The following TINAG variants were observed in gnomAD, a reference collection of about 807,000 sequenced individuals.
TINAG encodes tubulointerstitial nephritis antigen.
In TINAG, 83 loss-of-function variants were observed where a neutral mutation model predicts 72.7. The ratio of observed to expected loss-of-function variants is 1.14; its 90% confidence interval spans 0.96 to 1.37. The LOEUF is 1.37. Among genes scored for constraint, TINAG ranks in the 40% most tolerant of loss-of-function variants. The pLI, the probability that TINAG is intolerant of heterozygous loss-of-function variation, is 0.00. For missense variants in TINAG, 685 were observed against 576.6 expected, an observed-to-expected ratio of 1.19 and a Z score of -1.93; for synonymous variants, 234 against 189.9, an observed-to-expected ratio of 1.23 and a Z score of -1.91.
At chr6:54,357,256 T>C (rs1484086937) in intron 9 of TINAG, among the ~76,000 whole-genome samples, 1 of 151,902 alleles carries the variant, frequency 6.6e-6, no homozygotes, top group Non-Finnish European at 1.5e-5. Flanking sequence ...AACGTTGACA[T>C]GCCCTAGTCT....
chr6:54,337,672 C>T (rs1241916043), intron 4 of TINAG, among the ~76,000 whole-genome samples: 3 of 152,052 alleles, frequency 2.0e-5, no homozygotes, highest in Non-Finnish European at 4.4e-5. Context: ...CCAAAACGTT[C>T]AGTATAAAAG....
At chr6:54,368,388 C>A (rs1162848824) in intron 9 of TINAG, among the ~76,000 whole-genome samples, 2 of 147,656 alleles carry the variant, frequency 1.4e-5, no homozygotes, top group African/African-American at 2.5e-5. Context: ...TATTATTATA[C>A]ATTATTAAAT....
At chr6:54,366,549 A>G (rs975578590) in intron 9 of TINAG, among the ~76,000 whole-genome samples, 1 of 150,406 alleles carries the variant, frequency 6.6e-6, no homozygotes, top group Non-Finnish European at 1.5e-5. Context: ...ACAAATATCA[A>G]TAGAATAGTG....
intron 9 of TINAG, among the ~76,000 whole-genome samples, chr6:54,377,947 G>T (rs73741234): frequency 0.023 from 3,445 of 152,060 alleles, 131 homozygotes; most frequent in African/African-American, 0.079. Flanking sequence ...AATATCATCG[G>T]GGAAAGAACC....
At chr6:54,372,717 T>C (rs969808864) in intron 9 of TINAG, among the ~76,000 whole-genome samples, 4 of 137,814 alleles carry the variant, frequency 2.9e-5, no homozygotes, top group South Asian at 4.7e-4. Context: ...GAATATTATA[T>C]AAATACATAC....
intron 9 of TINAG, among the ~76,000 whole-genome samples, chr6:54,360,529 C>T (rs960252322): frequency 6.6e-6 from 1 of 151,620 alleles, no homozygotes; most frequent in Admixed American, 6.6e-5. Context: ...TATTCCACAT[C>T]TCCATGCCCA....
intron 9 of TINAG, among the ~76,000 whole-genome samples, chr6:54,375,766 G>C (rs776475723): frequency 3.3e-5 from 5 of 152,116 alleles, no homozygotes; most frequent in Non-Finnish European, 5.9e-5. Context: ...TTCTTATTCA[G>C]AATTTCATTA....
rs190974934 is a variant in TINAG at position 54,368,359 on chromosome 6, A to C, written c.1251-12167A>C. On this transcript the variant is annotated intron_variant, in intron 9 of 10. Transcript: ENST00000259782. ...ATAATTTAAATATTAAATAATAGTT[A>C]TTAAATCATTATATTAATTATTATT... Among the ~76,000 whole-genome samples the C allele has an allele frequency of 7.8e-3, 1,151 of 147,944 alleles. 14 individuals are homozygous for C. The highest frequency in any genetic ancestry group is 0.025 in the African/African-American group (1,027 of 40,888).
chr6:54,335,095 C>G (rs1784829596), intron 4 of TINAG, among the ~76,000 whole-genome samples: 1 of 152,202 alleles, frequency 6.6e-6, no homozygotes, highest in African/African-American at 2.4e-5. Flanking sequence ...CACACACTCA[C>G]TTATGTGTCT....
intron 1 of TINAG, among the ~76,000 whole-genome samples, chr6:54,315,005 A>C (rs1480757206): frequency 6.6e-6 from 1 of 152,170 alleles, no homozygotes; most frequent in Non-Finnish European, 1.5e-5. Context: ...TGCTTTTGAA[A>C]GCAGCTACTT....
upstream of TINAG, chr6:54,308,084 G>A (rs758972174): frequency 1.9e-5 from 29 of 1,549,868 alleles, no homozygotes; most frequent in East Asian, 7.3e-5. Context: ...CTGGATGTTC[G>A]TTTCAATGCA....
At chr6:54,355,524 T>C (rs1763009525) in intron 9 of TINAG, among the ~76,000 whole-genome samples, 1 of 151,942 alleles carries the variant, frequency 6.6e-6, no homozygotes, top group African/African-American at 2.4e-5. Context: ...CCTTAATCGT[T>C]GTCCTTCCTT....
intron 10 of TINAG, among the ~76,000 whole-genome samples, chr6:54,383,500 A>C (rs951911299): frequency 6.6e-6 from 1 of 152,060 alleles, no homozygotes; most frequent in East Asian, 1.9e-4. Flanking sequence ...AAAAAATGAG[A>C]GTGCTAAATC....
At chr6:54,353,466 C>A (rs1311449299) in intron 8 of TINAG, among the ~76,000 whole-genome samples, 3 of 151,814 alleles carry the variant, frequency 2.0e-5, no homozygotes, top group Non-Finnish European at 4.4e-5. Flanking sequence ...CTTCTAAAAT[C>A]TGTAGGATTG....
chr6:54,379,774 T>A (rs1393726977), intron 9 of TINAG, among the ~76,000 whole-genome samples: 2 of 151,982 alleles, frequency 1.3e-5, no homozygotes, highest in Non-Finnish European at 2.9e-5. Flanking sequence ...ATCTAATTTT[T>A]ATTTTTCTTT....
At position 54,320,596 on chromosome 6, in the gene TINAG, C is replaced by A; in HGVS notation, c.373C>A (p.Gln125Lys). The change falls in exon 2 of 11, where the codon CAA (glutamine) becomes AAA (lysine). Residue 125 changes from glutamine (Q) to lysine (K), a missense_variant. By Grantham distance (53) the Gln-to-Lys change is moderately conservative (BLOSUM62 1). Coordinates refer to ENST00000259782, the MANE Select transcript of TINAG (RefSeq NM_014464.4). ...TTTGACAGGTTGCTTCAAAGATGGT[C>A]AACATTATGAAGAGGGATCAGTAAT... ...WYPEGCFKDG[Q>K]HYEEGSVIKE... The A allele has an allele frequency of 1.2e-6, 2 of 1,602,834 alleles. No homozygotes were observed. Among genetic ancestry groups the A allele is most frequent in the Admixed American group, 1.7e-5 (1 of 59,290 alleles).
At chr6:54,310,754 CTTT>C (rs147216362) in intron 1 of TINAG, among the ~76,000 whole-genome samples, 4,924 of 138,904 alleles carry the variant, frequency 0.035, 200 homozygotes, top group African/African-American at 0.1. Context: ...TCTTCTCTTT[CTTT>C]TTTCTCTCTC....
In TINAG at chr6:54,343,172, C is replaced by T. The variant is rs184720885; in HGVS notation, c.625-54C>T. ...CTTTATAAAAGGGCGTGACATTTTC[C>T]TATTGAGACATATTTGAGAAAATCT... On this transcript the variant is annotated intron_variant, in intron 4 of 10. Transcript: ENST00000259782. 32 of 1,396,658 alleles carry T rather than the reference C, an allele frequency of 2.3e-5. No homozygotes were observed. In the Admixed American group the frequency reaches 8.4e-4, roughly 37 times the overall value. The allele number at this position is 1,396,658 out of a possible 1,614,324, so 86.5% of individuals were successfully genotyped here.
At chr6:54,315,164 C>T (rs892576659) in intron 1 of TINAG, among the ~76,000 whole-genome samples, 2 of 152,074 alleles carry the variant, frequency 1.3e-5, no homozygotes, top group African/African-American at 2.4e-5. Flanking sequence ...ATATATTTTT[C>T]AGAGATTTAG....
Sources: gnomAD v4.1 joint callset for allele counts (sites outside exome capture counted in the v4.1 genomes callset) on GRCh38, gnomAD v4.1.1 for gene constraint, MANE v1.5 for transcripts, NCBI Gene and HGNC (gene_info 2026-07-23, HGNC 2026-07-21) for gene names.